The following PRKN variants were observed in gnomAD, a reference collection of about 807,000 sequenced individuals.
PRKN encodes E3 ubiquitin-protein ligase parkin.
PRKN carries 56 observed loss-of-function variants against 59.5 expected under a neutral mutation model. The observed-to-expected ratio is 0.94, with a 90% CI of 0.76 to 1.18. The LOEUF is 1.18. Among genes scored for constraint, PRKN ranks in the 50% most tolerant of loss-of-function variants. The pLI is 0.00. For synonymous variants in PRKN, 250 were observed against 222.1 expected (o/e 1.13, Z -1.12); for missense variants, 657 against 596.4 (o/e 1.10, Z -1.06).
intron 6 of PRKN, among the ~76,000 whole-genome samples, chr6:161,876,490 T>C (rs1371609405): frequency 1.3e-5 from 2 of 152,132 alleles, no homozygotes; most frequent in South Asian, 2.1e-4. Flanking sequence ...TTTTTAAATG[T>C]TTTGTAGAGA....
intron 1 of PRKN, among the ~76,000 whole-genome samples, chr6:162,697,222 A>C (rs1321186132): frequency 6.6e-6 from 1 of 152,204 alleles, no homozygotes; most frequent in Non-Finnish European, 1.5e-5. Context: ...GCTTCTGTAT[A>C]ACCTTCAAGT....
intron 1 of PRKN, among the ~76,000 whole-genome samples, chr6:162,609,650 T>A (rs959679482): frequency 3.3e-5 from 5 of 152,246 alleles, no homozygotes; most frequent in African/African-American, 1.2e-4. Context: ...AAACTTTGGA[T>A]ATTTAAATTC....
intron 1 of PRKN, among the ~76,000 whole-genome samples, chr6:162,606,873 T>C (rs1283988117): frequency 2.0e-5 from 3 of 152,086 alleles, no homozygotes; most frequent in African/African-American, 7.2e-5. Flanking sequence ...TCATCACGGC[T>C]GGCTATTTTT....
At chr6:162,132,212 C>T (rs528868031) in intron 4 of PRKN, among the ~76,000 whole-genome samples, 2 of 152,172 alleles carry the variant, frequency 1.3e-5, no homozygotes, top group East Asian at 3.9e-4. Flanking sequence ...GGGAAGTAGT[C>T]GTGAAAAGGC....
At chr6:162,613,169 G>A (rs1562436335) in intron 1 of PRKN, among the ~76,000 whole-genome samples, 1 of 152,144 alleles carries the variant, frequency 6.6e-6, no homozygotes, top group Admixed American at 6.5e-5. Context: ...GACTAAAGCT[G>A]CAGGATATCC....
At chr6:162,153,488 T>G (rs1241575175) in intron 4 of PRKN, among the ~76,000 whole-genome samples, 1 of 152,152 alleles carries the variant, frequency 6.6e-6, no homozygotes, top group Non-Finnish European at 1.5e-5. Context: ...AGCGGGCCCT[T>G]TGCCTCATGG....
At chr6:161,953,697 A>G (rs952068320) in intron 6 of PRKN, among the ~76,000 whole-genome samples, 2 of 152,196 alleles carry the variant, frequency 1.3e-5, no homozygotes, top group Admixed American at 6.5e-5. Context: ...AGAGGGCAGC[A>G]TGTGTGACAG....
chr6:162,622,914 C>T (rs182445492), intron 1 of PRKN, among the ~76,000 whole-genome samples: 311 of 152,254 alleles, frequency 2.0e-3, no homozygotes, highest in Non-Finnish European at 3.7e-3. Context: ...TATGAACCGC[C>T]CTCCTGAACA....
chr6:161,860,117 T>C (rs749535492), intron 6 of PRKN, among the ~76,000 whole-genome samples: 8 of 152,174 alleles, frequency 5.3e-5, no homozygotes, highest in Non-Finnish European at 7.3e-5. Context: ...TTTTAAAATA[T>C]TTTATCATTA....
At chr6:161,763,754 T>G (rs1473001650) in intron 7 of PRKN, among the ~76,000 whole-genome samples, 23 of 151,978 alleles carry the variant, frequency 1.5e-4, no homozygotes, top group Admixed American at 1.5e-3. Context: ...TTGTCATGGA[T>G]TCCATGATAC....
chr6:161,371,137 T>G lies in PRKN; in HGVS notation c.1168-10932A>C, dbSNP rs1157884889. Among the ~76,000 whole-genome samples, 2 of 152,004 alleles carry G rather than the reference T, an allele frequency of 1.3e-5. No individual in the cohort carries two copies. Among genetic ancestry groups the G allele is most frequent in the East Asian group, 3.9e-4 (2 of 5,188 alleles). ...TATGACTATCTCTTTTTGGAGAATA[T>G]GTATATATGTATATATTTAAATGTA... On this transcript the variant is annotated intron_variant, in intron 10 of 11. Coordinates refer to ENST00000366898, the MANE Select transcript of PRKN (RefSeq NM_004562.3). This position sits in a 1 kb window ranked among gnomAD's most constrained non-coding sequence, Gnocchi z 5.5.
At chr6:161,642,515 G>C (rs1435079143) in intron 7 of PRKN, among the ~76,000 whole-genome samples, 2 of 152,010 alleles carry the variant, frequency 1.3e-5, no homozygotes, top group Non-Finnish European at 2.9e-5. Context: ...CTTTCATTCT[G>C]GAAATCAAAA....
At chr6:162,057,229 G>C (rs1244937197) in intron 4 of PRKN, among the ~76,000 whole-genome samples, 1 of 152,186 alleles carries the variant, frequency 6.6e-6, no homozygotes, top group Non-Finnish European at 1.5e-5. Flanking sequence ...CACGATAATG[G>C]AAGCACTTAT....
Position 161,361,805 on chromosome 6 carries a change from C to G in PRKN, c.1168-1600G>C, listed in dbSNP as rs1239602515. On this transcript the variant is annotated intron_variant, in intron 10 of 11. Coordinates refer to ENST00000366898, the MANE Select transcript of PRKN (RefSeq NM_004562.3). The surrounding 1 kb of genome is among the most constrained non-coding windows in gnomAD (Gnocchi z 5.2). ...GGCAACGGTAGGTCAATGAGTGCTT[C>G]CTTTGCTAAGATCCACTCACGGCAG... Among the ~76,000 whole-genome samples, 3 of 152,200 alleles carry G rather than the reference C, an allele frequency of 2.0e-5. No individual in the cohort carries two copies. The highest frequency in any genetic ancestry group is 7.2e-5 in the African/African-American group (3 of 41,444).
chr6:162,554,242 G>A (rs1158429915), intron 1 of PRKN, among the ~76,000 whole-genome samples: 6 of 152,152 alleles, frequency 3.9e-5, no homozygotes, highest in South Asian at 2.1e-4. Flanking sequence ...AGTGGCTCAC[G>A]CCTGTAATCC....
At chr6:162,451,049 A>G (rs959006338) in intron 1 of PRKN, among the ~76,000 whole-genome samples, 1 of 152,294 alleles carries the variant, frequency 6.6e-6, no homozygotes, top group African/African-American at 2.4e-5. Flanking sequence ...AAAGAAAAAG[A>G]TCTAGATGGA....
At chr6:161,512,659 C>T (rs1232751474) in intron 9 of PRKN, among the ~76,000 whole-genome samples, 1 of 152,142 alleles carries the variant, frequency 6.6e-6, no homozygotes, top group Non-Finnish European at 1.5e-5. Context: ...CAAGAGGAAG[C>T]TCTTTCTACC....
chr6:161,663,697 C>A (rs1024150783), intron 7 of PRKN, among the ~76,000 whole-genome samples: 4 of 152,168 alleles, frequency 2.6e-5, no homozygotes, highest in Admixed American at 2.0e-4. Context: ...TATTAAACTG[C>A]AAAGGATTTC....
At chr6:162,276,762 G>C (rs1453252937) in intron 2 of PRKN, among the ~76,000 whole-genome samples, 1 of 151,540 alleles carries the variant, frequency 6.6e-6, no homozygotes, top group African/African-American at 2.4e-5. Flanking sequence ...TTGATAGCAT[G>C]TTATATACTT....
Sources: allele counts gnomAD v4.1 joint callset (sites outside exome capture counted in the v4.1 genomes callset), GRCh38; gene constraint gnomAD v4.1.1; non-coding constraint Gnocchi (gnomAD v3.1); transcripts MANE v1.5; gene names NCBI Gene and HGNC (gene_info 2026-07-23, HGNC 2026-07-21).